The following ARHGEF18 variants were observed in gnomAD, a reference collection of about 807,000 sequenced individuals.
The protein encoded by ARHGEF18 is Rho/Rac guanine nucleotide exchange factor 18.
In ARHGEF18, 93 loss-of-function variants were observed where a neutral mutation model predicts 155.7. The observed-to-expected ratio is 0.60, with a 90% CI of 0.50 to 0.71. The LOEUF is 0.71. ARHGEF18 is among the 30% of genes least tolerant of loss of function. The pLI is 0.00. For missense variants in ARHGEF18, 1,593 were observed against 1,816.1 expected, an observed-to-expected ratio of 0.88 and a Z score of 2.23; for synonymous variants, 742 against 753.1, an observed-to-expected ratio of 0.99 and a Z score of 0.24.
chr19:7,382,266 C>T (rs998892181), intron 8 of ARHGEF18, among the ~76,000 whole-genome samples: 2 of 152,048 alleles, frequency 1.3e-5, no homozygotes, highest in African/African-American at 4.8e-5. Flanking sequence ...CACAGTGGCA[C>T]ACACCTGTGG....
chr19:7,439,635 G>GGTGGTCGC, intron 10 of ARHGEF18: 7 of 1,091,100 alleles, frequency 6.4e-6, no homozygotes, highest in South Asian at 6.6e-5. Flanking sequence ...TCGGAGCCTC[G>GGTGGTCGC]CGTCCACTTC....
intron 10 of ARHGEF18, among the ~76,000 whole-genome samples, chr19:7,431,239 G>A (rs1055773653): frequency 2.0e-5 from 3 of 152,162 alleles, no homozygotes; most frequent in South Asian, 4.1e-4. Context: ...AAGTGAGGCC[G>A]GGCACGGTGG....
chr19:7,378,684 CTTTTTTTTTTTTT>C (rs548305968), intron 6 of ARHGEF18, among the ~76,000 whole-genome samples: 2 of 88,134 alleles, frequency 2.3e-5, no homozygotes, highest in East Asian at 9.6e-4. Context: ...ACAATTGTGG[CTTTTTTTTTTTTT>C]TTTTTTTTTT....
intron 13 of ARHGEF18, among the ~76,000 whole-genome samples, chr19:7,443,558 C>T (rs753103611): frequency 2.0e-5 from 3 of 152,152 alleles, no homozygotes; most frequent in Admixed American, 1.3e-4. Flanking sequence ...CCCTTAGGAC[C>T]TCATCACCTT....
intron 10 of ARHGEF18, among the ~76,000 whole-genome samples, chr19:7,435,490 A>G (rs7245829): frequency 0.4 from 61,177 of 151,820 alleles, 12,965 homozygotes; most frequent in East Asian, 0.6. Flanking sequence ...CCGGGGAACA[A>G]ATGGGCCAGG....
Position 7,444,238 on chromosome 19 carries a change from G to A in ARHGEF18, c.1395G>A (p.Thr465=), listed in dbSNP as rs748470220. The A allele has an allele frequency of 2.4e-5, 39 of 1,613,538 alleles. No individual in the cohort carries two copies. Among genetic ancestry groups the A allele is most frequent in the Non-Finnish European group, 3.1e-5 (37 of 1,180,022 alleles). ...LMQTEVHHVR[T]LKIMLKVYSR... ...AGACAGAGGTGCACCACGTGCGGAC[G>A]CTCAAGATCATGCTGAAGGTGTACT... Residue 465 remains threonine (T), a synonymous_variant, in exon 14 of 29, where the codon ACG becomes ACA. Coordinates refer to ENST00000668164, the MANE Select transcript of ARHGEF18 (RefSeq NM_001367823.1). This position sits in a 1 kb window ranked among gnomAD's most constrained non-coding sequence, Gnocchi z 4.7.
At chr19:7,453,749 G>A in intron 17 of ARHGEF18, 34 bp downstream of exon 17, 1 of 1,511,738 alleles carries the variant, frequency 6.6e-7, no homozygotes, top group East Asian at 2.3e-5. Context: ...TCTAGTGGGT[G>A]CCATCTTGGA....
intron 20 of ARHGEF18, 95 bp downstream of exon 20, chr19:7,460,089 G>A: frequency 1.6e-6 from 2 of 1,237,824 alleles, no homozygotes; most frequent in South Asian, 1.3e-5. Flanking sequence ...CCCCCCAGGT[G>A]ACCCGGTGTT....
At position 7,440,234 on chromosome 19, in the gene ARHGEF18, C is replaced by T. The variant is rs1273982151; in HGVS notation, c.968-110C>T. ...TCTTGGATAACGAGCTGCTGACCTC[C>T]AAGATCCTGTCTGTGCTGCGGCCGC... On this transcript the variant is annotated intron_variant, in intron 10 of 28. Transcript: ENST00000668164. The surrounding 1 kb of genome is among the most constrained non-coding windows in gnomAD (Gnocchi z 5.4). 13 of 1,552,130 alleles carry T rather than the reference C, an allele frequency of 8.4e-6. No individual in the cohort carries two copies. Among genetic ancestry groups the T allele is most frequent in the Non-Finnish European group, 9.6e-6 (11 of 1,147,288 alleles).
chr19:7,363,839 G>A (rs1448458899), intron 2 of ARHGEF18, among the ~76,000 whole-genome samples: 1 of 150,972 alleles, frequency 6.6e-6, no homozygotes, highest in Admixed American at 6.6e-5. Context: ...TGGATGAGAA[G>A]AAGGGTGAGT....
At position 7,462,080 on chromosome 19, in the gene ARHGEF18, C is replaced by G; in HGVS notation, c.2453-72C>G. The G allele has an allele frequency of 6.3e-7, 1 of 1,595,674 alleles. No individual in the cohort carries two copies. The highest frequency in any genetic ancestry group is 1.1e-5 in the South Asian group (1 of 89,936). ...CCAGCGGGGTTCCTCATCCTTAGGC[C>G]AGTCCCCGGGGCTCAGATGATTCCA... is the stretch of plus-strand genomic sequence containing the variant. On this transcript the variant is annotated intron_variant, in intron 20 of 28. Coordinates refer to ENST00000668164, the MANE Select transcript of ARHGEF18 (RefSeq NM_001367823.1). The surrounding 1 kb of genome is among the most constrained non-coding windows in gnomAD (Gnocchi z 4.4).
chr19:7,444,563 T>C lies in ARHGEF18; in HGVS notation c.1611+109T>C, dbSNP rs185267577. 570 of 1,432,372 alleles carry C rather than the reference T, an allele frequency of 4.0e-4. No homozygotes were observed. The highest frequency in any genetic ancestry group is 1.9e-3 in the Admixed American group (87 of 45,732). The allele number at this position is 1,432,372 out of a possible 1,614,324, so 88.7% of individuals were successfully genotyped here. ...TCTTGCCGTGTCGCCCAGGCTGGAG[T>C]GCAGTGGTGCAGTCACAGCTCAATG... On this transcript the variant is annotated intron_variant, in intron 14 of 28. Coordinates refer to ENST00000668164, the MANE Select transcript of ARHGEF18 (RefSeq NM_001367823.1). This position sits in a 1 kb window ranked among gnomAD's most constrained non-coding sequence, Gnocchi z 4.7.
chr19:7,395,795 C>A lies in ARHGEF18; in HGVS notation c.967+12592C>A, dbSNP rs753845846. ...TTGGTGCTTTCATTGCGGACGGGAACGAGAAGCTTTCCCCTGGTCCTTACA... is the reference window on the plus strand; with the variant it reads ...TTGGTGCTTTCATTGCGGACGGGAAAGAGAAGCTTTCCCCTGGTCCTTACA... On this transcript the variant is annotated intron_variant, in intron 10 of 28. Coordinates refer to ENST00000668164, the MANE Select transcript of ARHGEF18 (RefSeq NM_001367823.1). This position sits in a 1 kb window ranked among gnomAD's most constrained non-coding sequence, Gnocchi z 5.0. Among the ~76,000 whole-genome samples the A allele has an allele frequency of 6.6e-6, 1 of 152,152 alleles. No homozygotes were observed. Among genetic ancestry groups the A allele is most frequent in the Admixed American group, 6.5e-5 (1 of 15,278 alleles).
intron 1 of ARHGEF18, among the ~76,000 whole-genome samples, chr19:7,359,225 T>A (rs1191035345): frequency 3.3e-5 from 5 of 151,938 alleles, no homozygotes; most frequent in Admixed American, 3.3e-4. Flanking sequence ...GGAGTGACCA[T>A]CAGAGGGTTA....
At chr19:7,399,773 C>T (rs1197530329) in intron 10 of ARHGEF18, among the ~76,000 whole-genome samples, 5 of 136,144 alleles carry the variant, frequency 3.7e-5, no homozygotes, top group African/African-American at 1.1e-4. Flanking sequence ...GCCACCACGC[C>T]TTTTTTTTTT....
chr19:7,380,821 G>C lies in ARHGEF18; in HGVS notation c.645-96G>C, dbSNP rs978110966. Reference sequence around the variant, plus strand: ...GTCAAGGACAGGTGGGCTCTTAGACGGGGTACCTGGTGTATGCCTGTACTC... The same window carrying C: ...GTCAAGGACAGGTGGGCTCTTAGACCGGGTACCTGGTGTATGCCTGTACTC... On this transcript the variant is annotated intron_variant, in intron 7 of 28. Coordinates refer to ENST00000668164, the MANE Select transcript of ARHGEF18 (RefSeq NM_001367823.1). 6.8e-6 allele frequency: 5 copies of C among 739,218 alleles called. No homozygotes were observed. The African/African-American group carries it at 9.1e-5, about 13-fold the overall frequency. 45.8% of individuals were successfully genotyped at this position (739,218 alleles called of 1,614,324 possible). A position where few individuals can be genotyped will look rare whatever the true frequency, so the allele number is the denominator to read the frequency against.
At chr19:7,458,358 C>T (rs556923957) in intron 18 of ARHGEF18, among the ~76,000 whole-genome samples, 154 bp from the exon 19 acceptor site, 1 of 151,270 alleles carries the variant, frequency 6.6e-6, no homozygotes, top group South Asian at 2.1e-4. Context: ...TCTTTTTTCC[C>T]CCAGATGGCA....
intron 10 of ARHGEF18, among the ~76,000 whole-genome samples, chr19:7,439,094 A>C (rs1218690635): frequency 6.6e-6 from 1 of 151,658 alleles, no homozygotes; most frequent in African/African-American, 2.4e-5. Flanking sequence ...TTTCCTGGCC[A>C]GGCTGGTCTT....
In ARHGEF18 at chr19:7,364,365, A is replaced by AAAGGAAGGAAGGAAGGAAGG. The variant is rs752918785; in HGVS notation, c.15+1481_15+1500dup. On this transcript the variant is annotated intron_variant, in intron 2 of 28. Coordinates refer to ENST00000668164, the MANE Select transcript of ARHGEF18 (RefSeq NM_001367823.1). The stretch of plus-strand genomic sequence containing the variant: ...GAAGAAAGGAAGGAAGGAGGGAAGG[A>AAAGGAAGGAAGGAAGGAAGG]AAGGAAGGAAGGAAGGAAGGAAGGA... 8.6e-3 allele frequency among the ~76,000 whole-genome samples: 975 copies of AAAGGAAGGAAGGAAGGAAGG among 112,862 alleles called. 11 individuals are homozygous for AAAGGAAGGAAGGAAGGAAGG. The highest frequency in any genetic ancestry group is 0.019 in the East Asian group (67 of 3,602). The allele number at this position is 112,862 out of a possible 152,430, so 74.0% of individuals were successfully genotyped here.
Sources: allele counts gnomAD v4.1 joint callset (sites outside exome capture counted in the v4.1 genomes callset), GRCh38; gene constraint gnomAD v4.1.1; non-coding constraint Gnocchi (gnomAD v3.1); transcripts MANE v1.5; gene names NCBI Gene and HGNC (gene_info 2026-07-23, HGNC 2026-07-21).